ADGRF5: variants seen among roughly 807,000 people sequenced by gnomAD.
The protein encoded by ADGRF5 is G-protein coupled receptor 116.
A neutral mutation model predicts 132.3 loss-of-function variants in ADGRF5; 75 were observed. The ratio of observed to expected loss-of-function variants is 0.57; its 90% CI spans 0.47 to 0.69. ADGRF5 has a LOEUF of 0.69. ADGRF5 is among the 30% of genes least tolerant of loss of function. ADGRF5 has a pLI of 0.00. For synonymous variants in ADGRF5, 629 were observed against 597.6 expected (o/e 1.05, Z -0.77); for missense variants, 1,516 against 1,630.6 (o/e 0.93, Z 1.21).
At chr6:46,946,726 C>T (rs1778316999) in intron 1 of ADGRF5, among the ~76,000 whole-genome samples, 1 of 152,110 alleles carries the variant, frequency 6.6e-6, no homozygotes, top group Non-Finnish European at 1.5e-5. Context: ...GGTATTGAGG[C>T]TGATCCTGGC....
chr6:46,908,974 C>T (rs1287184310), intron 1 of ADGRF5: 1 of 152,276 alleles, frequency 6.6e-6, no homozygotes, highest in Admixed American at 6.5e-5. Flanking sequence ...AGCTGAAATT[C>T]ACTTCAGCTT....
chr6:46,921,144 T>C (rs1340932321), intron 1 of ADGRF5, among the ~76,000 whole-genome samples: 2 of 152,194 alleles, frequency 1.3e-5, no homozygotes, highest in African/African-American at 4.8e-5. Context: ...TTCCTAATGC[T>C]GACTACAAAC....
intron 14 of ADGRF5, chr6:46,863,319 C>T (rs1049902077): frequency 1.1e-5 from 7 of 650,660 alleles, no homozygotes; most frequent in African/African-American, 1.8e-5. Context: ...CTTCCTTTTC[C>T]TAACAGAATT....
At chr6:46,894,607 A>C (rs1238991501) in intron 3 of ADGRF5, among the ~76,000 whole-genome samples, 1 of 152,248 alleles carries the variant, frequency 6.6e-6, no homozygotes, top group East Asian at 1.9e-4. Context: ...GTTGAAAACT[A>C]TAACTCATAG....
chr6:46,928,502 T>A (rs890233794), intron 1 of ADGRF5, among the ~76,000 whole-genome samples: 8 of 152,140 alleles, frequency 5.3e-5, no homozygotes, highest in African/African-American at 1.9e-4. Context: ...GAGCGCTCCA[T>A]AGACTCCCAC....
intron 2 of ADGRF5, among the ~76,000 whole-genome samples, chr6:46,905,006 G>A (rs1775171601): frequency 6.6e-6 from 1 of 152,152 alleles, no homozygotes; most frequent in Admixed American, 6.5e-5. Flanking sequence ...CTTATCCCCT[G>A]ACCAGCCTTC....
intron 1 of ADGRF5, among the ~76,000 whole-genome samples, chr6:46,932,809 C>A (rs895958407): frequency 6.6e-6 from 1 of 152,160 alleles, no homozygotes; most frequent in Non-Finnish European, 1.5e-5. Context: ...ATAATCGTGT[C>A]CCTATACTAA....
chr6:46,862,237 A>G (rs1769840285), intron 15 of ADGRF5, among the ~76,000 whole-genome samples: 1 of 152,228 alleles, frequency 6.6e-6, no homozygotes, highest in East Asian at 1.9e-4. Flanking sequence ...TAACCTCACC[A>G]GTTGCATCAC....
rs1171691579 is a variant in ADGRF5, at chr6:46,897,110, A to G, written c.157+2919T>C. The stretch of plus-strand genomic sequence containing the variant: ...CACACACACACACTCATATACATGT[A>G]TACACATATACACAGACATATGCAT... On this transcript the variant is annotated intron_variant, in intron 3 of 20. Coordinates refer to ENST00000283296, the MANE Select transcript of ADGRF5 (RefSeq NM_001098518.2). Among the ~76,000 whole-genome samples the G allele has an allele frequency of 5.3e-5, 8 of 150,294 alleles. No individual in the cohort carries two copies. In the Admixed American group the frequency reaches 5.3e-4, roughly 10 times the overall value.
At chr6:46,862,703 CTTTTTTTTTT>C (rs67565937) in intron 15 of ADGRF5, among the ~76,000 whole-genome samples, 175 bp downstream of exon 15, 7 of 26,506 alleles carry the variant, frequency 2.6e-4, no homozygotes, top group African/African-American at 4.9e-4. Flanking sequence ...TGAATTGAGG[CTTTTTTTTTT>C]TTTTTTTTTT....
chr6:46,862,731 C>CTTTTTTTTTTT (rs1769926537), intron 15 of ADGRF5, among the ~76,000 whole-genome samples, 157 bp downstream of exon 15: 3 of 21,786 alleles, frequency 1.4e-4, no homozygotes, highest in Admixed American at 6.1e-4. Context: ...TTTTTTTTTG[C>CTTTTTTTTTTT]ATTTCTAGGG....
chr6:46,929,775 T>C (rs1222483327), intron 1 of ADGRF5, among the ~76,000 whole-genome samples: 1 of 152,018 alleles, frequency 6.6e-6, no homozygotes, highest in Non-Finnish European at 1.5e-5. Context: ...GCTCAATGTT[T>C]CCAGGGCCTA....
chr6:46,949,508 T>C, intron 1 of ADGRF5, among the ~76,000 whole-genome samples: 1 of 152,240 alleles, frequency 6.6e-6, no homozygotes, highest in East Asian at 1.9e-4. Flanking sequence ...TAGAAGGCAG[T>C]GGCCAGTGAA....
At chr6:46,898,656 C>A (rs552615348) in intron 3 of ADGRF5, among the ~76,000 whole-genome samples, 1 of 152,254 alleles carries the variant, frequency 6.6e-6, no homozygotes, top group East Asian at 1.9e-4. Context: ...TCATTTCAAG[C>A]GCTGGACAAC....
intron 1 of ADGRF5, among the ~76,000 whole-genome samples, chr6:46,953,657 A>ATATATATATATATATATAGATATATG (rs1561846898): frequency 2.3e-5 from 1 of 43,972 alleles, no homozygotes; most frequent in East Asian, 8.2e-4. Context: ...ATGTGTATAT[A>ATATATATATATATATATAGATATATG]TATATATATA....
chr6:46,899,676 TG>T lies in ADGRF5; in HGVS notation c.157+352del, dbSNP rs955047449. Among the ~76,000 whole-genome samples, 17 of 151,402 alleles carry T rather than the reference TG, an allele frequency of 1.1e-4. No individual in the cohort carries two copies. The East Asian group carries it at 2.1e-3, about 19-fold the overall frequency. ...AAGAAGTTTTTTTTTTTGTTTGTTT[TG>T]TTTTTTTTTTTAAAGCAAAAAGAAA... On this transcript the variant is annotated intron_variant, in intron 3 of 20. Coordinates refer to ENST00000283296, the MANE Select transcript of ADGRF5 (RefSeq NM_001098518.2).
intron 11 of ADGRF5, chr6:46,871,024 T>C (rs1434203967): frequency 1.3e-5 from 2 of 152,186 alleles, no homozygotes; most frequent in Admixed American, 6.6e-5. Context: ...ATAGATAGAT[T>C]ACGCCCACAT....
intron 12 of ADGRF5, among the ~76,000 whole-genome samples, chr6:46,867,716 C>T (rs1770603270): frequency 6.6e-6 from 1 of 152,110 alleles, no homozygotes; most frequent in South Asian, 2.1e-4. Flanking sequence ...TCCCTTTGCC[C>T]CAGCTCTGGA....
At chr6:46,915,618 C>T (rs1169935355) in intron 1 of ADGRF5, among the ~76,000 whole-genome samples, 1 of 152,062 alleles carries the variant, frequency 6.6e-6, no homozygotes, top group Non-Finnish European at 1.5e-5. Flanking sequence ...GCTTTGCTGT[C>T]CTTAGCCAAT....
Sources: gnomAD v4.1 joint callset for allele counts (sites outside exome capture counted in the v4.1 genomes callset) on GRCh38, gnomAD v4.1.1 for gene constraint, MANE v1.5 for transcripts, NCBI Gene and HGNC (gene_info 2026-07-23, HGNC 2026-07-21) for gene names.